GLIS1: variants seen among roughly 807,000 people sequenced by gnomAD.
GLIS1 encodes the protein GLIS family zinc finger 1.
GLIS1 carries 24 observed loss-of-function variants against 63.8 expected under a neutral mutation model. The observed-to-expected ratio is 0.38, with a 90% CI of 0.27 to 0.53. The LOEUF (loss-of-function observed/expected upper bound fraction) is 0.53, where lower values mean the gene tolerates loss of function less well. GLIS1 is among the 20% of genes least tolerant of loss of function. The pLI is 0.85. For synonymous variants in GLIS1, 450 were observed against 482.5 expected (o/e 0.93, Z 0.88); for missense variants, 1,036 against 1,074.1 (o/e 0.96, Z 0.50).
chr1:53,600,338 T>A, intron 2 of GLIS1, 60 bp from the exon 3 acceptor site: 1 of 1,149,156 alleles, frequency 8.7e-7, no homozygotes, highest in Non-Finnish European at 1.1e-6. Context: ...TGCAGAGGGG[T>A]ATGGGGAGAG....
intron 2 of GLIS1, among the ~76,000 whole-genome samples, chr1:53,680,461 T>A (rs1480394324): frequency 1.3e-5 from 2 of 152,208 alleles, no homozygotes; most frequent in Non-Finnish European, 2.9e-5. Flanking sequence ...CAGAGCTGTG[T>A]CACCATGGGC....
chr1:53,576,459 T>C lies in GLIS1; in HGVS notation c.1320+17649A>G, dbSNP rs142850807. Among the ~76,000 whole-genome samples the C allele has an allele frequency of 5.5e-3, 833 of 152,288 alleles. 3 individuals carry two copies. The highest frequency in any genetic ancestry group is 9.0e-3 in the Non-Finnish European group (612 of 68,026). On this transcript the variant is annotated intron_variant, in intron 4 of 10. Coordinates refer to ENST00000628545, the MANE Select transcript of GLIS1 (RefSeq NM_001367484.1). ...AAACCCTCAAGCAATTCCTGGCAGA[T>C]GGCCATGGTGATCACTGAGCACAGC...
intron 2 of GLIS1, among the ~76,000 whole-genome samples, chr1:53,735,545 G>A (rs778828980): frequency 6.6e-5 from 10 of 152,176 alleles, no homozygotes; most frequent in Non-Finnish European, 1.2e-4. Flanking sequence ...TCAGTCTTGC[G>A]AATTAAGTCT....
Position 53,587,038 on chromosome 1 carries a change from T to C in GLIS1, c.1320+7070A>G, listed in dbSNP as rs1040234569. Among the ~76,000 whole-genome samples the C allele has an allele frequency of 6.6e-5, 10 of 152,260 alleles. 1 individual carries two copies. In the South Asian group the frequency reaches 1.9e-3, roughly 28 times the overall value. Reference sequence around the variant, plus strand: ...AAAGGGGGAGCTAAGGAGGGAGCACTGAACTGAGTTGTGAAGGATGTATAG... The same window carrying C: ...AAAGGGGGAGCTAAGGAGGGAGCACCGAACTGAGTTGTGAAGGATGTATAG... On this transcript the variant is annotated intron_variant, in intron 4 of 10. Coordinates refer to ENST00000628545, the MANE Select transcript of GLIS1 (RefSeq NM_001367484.1).
intron 2 of GLIS1, among the ~76,000 whole-genome samples, chr1:53,638,042 G>A (rs1411188694): frequency 2.0e-5 from 3 of 152,252 alleles, no homozygotes; most frequent in Admixed American, 2.0e-4. Flanking sequence ...AATCCTGAGA[G>A]AGGGAGGGAG....
intron 3 of GLIS1, 116 bp downstream of exon 3, chr1:53,599,985 C>T: frequency 1.9e-6 from 1 of 514,754 alleles, no homozygotes; most frequent in Non-Finnish European, 3.0e-6. Flanking sequence ...GCTACGGGCC[C>T]CTCGTGCCTC....
intron 2 of GLIS1, among the ~76,000 whole-genome samples, chr1:53,666,774 TG>T (rs1019648320): frequency 6.8e-6 from 1 of 148,016 alleles, no homozygotes; most frequent in African/African-American, 2.7e-5. Context: ...GGCAGGTCTG[TG>T]GGCCAGGCTG....
Position 53,514,795 on chromosome 1 carries a change from A to C in GLIS1, c.1727-14T>G. ...CAGGATACACACCTGCAGGGAATCA[A>C]ACAAGGCTCACTGGACTCTGGCCAC... On this transcript the variant is annotated splice_polypyrimidine_tract_variant and intron_variant, in intron 7 of 10. Coordinates refer to ENST00000628545, the MANE Select transcript of GLIS1 (RefSeq NM_001367484.1). 6.4e-7 allele frequency: 1 copy of C among 1,568,084 alleles called. No homozygotes were observed. The highest frequency in any genetic ancestry group is 1.4e-5 in the African/African-American group (1 of 73,912).
chr1:53,546,037 G>A (rs769643753), intron 4 of GLIS1, among the ~76,000 whole-genome samples: 1 of 152,236 alleles, frequency 6.6e-6, no homozygotes, highest in Non-Finnish European at 1.5e-5. Flanking sequence ...CCAACTTGCC[G>A]AAGGGCAGGG....
intron 2 of GLIS1, among the ~76,000 whole-genome samples, chr1:53,626,180 A>G (rs1645592142): frequency 6.6e-6 from 1 of 152,210 alleles, no homozygotes; most frequent in African/African-American, 2.4e-5. Context: ...TCTCTTTGGC[A>G]TGACCAGAAC....
chr1:53,657,737 C>A (rs939482796), intron 2 of GLIS1, among the ~76,000 whole-genome samples: 3 of 152,136 alleles, frequency 2.0e-5, no homozygotes, highest in Non-Finnish European at 2.9e-5. Context: ...CCAAAGGGAC[C>A]CCAGTTGATT....
intron 2 of GLIS1, among the ~76,000 whole-genome samples, chr1:53,637,377 G>A (rs1645737246): frequency 6.6e-6 from 1 of 152,184 alleles, no homozygotes; most frequent in South Asian, 2.1e-4. Context: ...AGCTACAAGT[G>A]GGTCCCTGAG....
intron 2 of GLIS1, among the ~76,000 whole-genome samples, chr1:53,737,587 C>G (rs1646923708): frequency 6.6e-6 from 1 of 152,256 alleles, no homozygotes; most frequent in Non-Finnish European, 1.5e-5. Context: ...TGAGAGCTTT[C>G]TATAAACACA....
chr1:53,636,368 G>GA (rs1378278830), intron 2 of GLIS1, among the ~76,000 whole-genome samples: 2 of 150,244 alleles, frequency 1.3e-5, no homozygotes, highest in African/African-American at 2.5e-5. Flanking sequence ...AACAATTGCA[G>GA]AAAAAAGCAT....
intron 4 of GLIS1, among the ~76,000 whole-genome samples, chr1:53,575,928 A>T (rs1309175536): frequency 1.3e-5 from 2 of 152,054 alleles, no homozygotes; most frequent in Non-Finnish European, 2.9e-5. Flanking sequence ...GGCACGAACA[A>T]CCAAAACCAC....
chr1:53,595,416 AG>A (rs1368492402), intron 3 of GLIS1, among the ~76,000 whole-genome samples: 3 of 152,148 alleles, frequency 2.0e-5, no homozygotes, highest in Non-Finnish European at 4.4e-5. Flanking sequence ...GCTACTCGGG[AG>A]GCTGAGGTAG....
At chr1:53,685,297 A>G (rs1345427176) in intron 2 of GLIS1, among the ~76,000 whole-genome samples, 2 of 152,022 alleles carry the variant, frequency 1.3e-5, no homozygotes, top group Non-Finnish European at 2.9e-5. Context: ...CTCCCTTTGG[A>G]GCCCGCGGAC....
Position 53,560,551 on chromosome 1 carries a change from C to T in GLIS1, c.1321-30599G>A, listed in dbSNP as rs768474140. Among the ~76,000 whole-genome samples the T allele has an allele frequency of 7.2e-5, 11 of 152,138 alleles. No individual in the cohort carries two copies. The highest frequency in any genetic ancestry group is 3.2e-3 in the Middle Eastern group (1 of 316). ...TTCCAGGGAGAGTGGAGGCTGTGGT[C>T]GGGAGGGCAGAGCGGGCTATAGGTG... is the stretch of plus-strand genomic sequence containing the variant. On this transcript the variant is annotated intron_variant, in intron 4 of 10. Transcript: ENST00000628545. This position sits in a 1 kb window ranked among gnomAD's most constrained non-coding sequence, Gnocchi z 4.4.
chr1:53,514,901 CGTT>C (rs1557941263), intron 7 of GLIS1, 120 bp from the exon 8 acceptor site: 4 of 1,225,330 alleles, frequency 3.3e-6, no homozygotes, highest in Non-Finnish European at 4.4e-6. Flanking sequence ...AAATGAACAA[CGTT>C]GTATCACTGG....
Sources: gnomAD v4.1 joint callset for allele counts (sites outside exome capture counted in the v4.1 genomes callset) on GRCh38, gnomAD v4.1.1 for gene constraint, Gnocchi (gnomAD v3.1) non-coding constraint, MANE v1.5 for transcripts, NCBI Gene and HGNC (gene_info 2026-07-23, HGNC 2026-07-21) for gene names.